DLGAP2: variants seen among roughly 807,000 people sequenced by gnomAD.
DLGAP2 encodes disks large-associated protein 2.
DLGAP2 carries 26 observed loss-of-function variants against 100.3 expected under a neutral mutation model. That is an observed-to-expected ratio of 0.26 (90% CI 0.19 to 0.36). The LOEUF is 0.36. Among genes scored for constraint, DLGAP2 ranks in the 10% least tolerant of loss-of-function variants. The pLI, the probability that DLGAP2 is intolerant of heterozygous loss-of-function variation, is 1.00. For synonymous variants in DLGAP2, 886 were observed against 630.1 expected, an observed-to-expected ratio of 1.41 and a Z score of -6.08; for missense variants, 1,858 against 1,453.2, an observed-to-expected ratio of 1.28 and a Z score of -4.53.
At chr8:1,372,173 G>A (rs563211973) in intron 3 of DLGAP2, among the ~76,000 whole-genome samples, 18 of 152,224 alleles carry the variant, frequency 1.2e-4, no homozygotes, top group East Asian at 5.8e-4. Context: ...GCAGGTCACC[G>A]TGGCGCCAAC....
At chr8:1,607,811 C>T (rs9801896) in intron 6 of DLGAP2, among the ~76,000 whole-genome samples, 2 of 151,758 alleles carry the variant, frequency 1.3e-5, no homozygotes, top group East Asian at 1.9e-4. Context: ...CACTCCCACC[C>T]GAATATTGCG....
intron 2 of DLGAP2, among the ~76,000 whole-genome samples, chr8:1,201,860 A>G (rs1225862959): frequency 6.6e-6 from 1 of 151,778 alleles, no homozygotes; most frequent in African/African-American, 2.4e-5. Flanking sequence ...TGTGTACGGT[A>G]TCTATCTGTG....
intron 2 of DLGAP2, among the ~76,000 whole-genome samples, chr8:1,146,598 C>T (rs540573458): frequency 1.9e-4 from 29 of 151,998 alleles, no homozygotes; most frequent in African/African-American, 2.9e-4. Context: ...TGTGCACCTG[C>T]GCATGTGTGT....
At chr8:1,293,748 C>T (rs1351101262) in intron 3 of DLGAP2, among the ~76,000 whole-genome samples, 2 of 152,170 alleles carry the variant, frequency 1.3e-5, no homozygotes, top group South Asian at 2.1e-4. Context: ...ATTAACATTT[C>T]GGAGCTGGGG....
chr8:773,870 G>A (rs1304423309), intron 1 of DLGAP2, among the ~76,000 whole-genome samples: 1 of 152,018 alleles, frequency 6.6e-6, no homozygotes, highest in Non-Finnish European at 1.5e-5. Flanking sequence ...CCCAGTAATG[G>A]GATGGCTGGG....
intron 2 of DLGAP2, among the ~76,000 whole-genome samples, chr8:1,145,725 T>C (rs529277568): frequency 3.5e-4 from 52 of 150,018 alleles, no homozygotes; most frequent in Middle Eastern, 6.9e-3. Context: ...AACTCGTCAT[T>C]TAGCATTAGG....
intron 3 of DLGAP2, among the ~76,000 whole-genome samples, chr8:1,469,556 C>T (rs910606486): frequency 6.6e-6 from 1 of 152,194 alleles, no homozygotes; most frequent in Admixed American, 6.5e-5. Context: ...CCTTCGCTGC[C>T]TTACTGAGCT....
At chr8:1,000,526 A>T (rs1350404588) in intron 2 of DLGAP2, among the ~76,000 whole-genome samples, 1 of 151,654 alleles carries the variant, frequency 6.6e-6, no homozygotes, top group East Asian at 1.9e-4. Flanking sequence ...GATTTTCTAT[A>T]GAGCGGACAG....
At chr8:1,683,852 A>ATG (rs1372728560) in intron 12 of DLGAP2, among the ~76,000 whole-genome samples, 3 of 72,600 alleles carry the variant, frequency 4.1e-5, no homozygotes, top group African/African-American at 1.8e-4. Context: ...ATATATATAT[A>ATG]TATATGTGTG....
intron 3 of DLGAP2, among the ~76,000 whole-genome samples, chr8:1,492,956 C>T (rs1356282052): frequency 6.6e-6 from 1 of 152,188 alleles, no homozygotes; most frequent in African/African-American, 2.4e-5. Flanking sequence ...ATCCCACCTA[C>T]GCATAGGGAA....
At chr8:1,505,401 C>T (rs1799871543) in intron 4 of DLGAP2, among the ~76,000 whole-genome samples, 1 of 152,060 alleles carries the variant, frequency 6.6e-6, no homozygotes, top group African/African-American at 2.4e-5. Context: ...TTTCCAACTC[C>T]CCTCAGTCTT....
At position 1,315,934 on chromosome 8, in the gene DLGAP2, C is replaced by G. The variant is rs75712360; in HGVS notation, c.106+57051C>G. 7.1e-3 allele frequency among the ~76,000 whole-genome samples: 703 copies of G among 98,806 alleles called. 27 individuals carry two copies. Among genetic ancestry groups the G allele is most frequent in the Middle Eastern group, 0.033 (3 of 90 alleles). 64.8% of individuals were successfully genotyped at this position (98,806 alleles called of 152,430 possible). On this transcript the variant is annotated intron_variant, in intron 3 of 14. Transcript: ENST00000637795. ...AAAATAGAGCGTGTGCGAGTGCAGC[C>G]TCTCTCCAACAGTGGTCTACACTCG...
chr8:1,222,792 G>T (rs1372523195), intron 2 of DLGAP2, among the ~76,000 whole-genome samples: 2 of 152,142 alleles, frequency 1.3e-5, no homozygotes, highest in African/African-American at 4.8e-5. Context: ...AGCCTTGGCA[G>T]CTGTTGCTGT....
chr8:931,365 C>G (rs143862512), intron 2 of DLGAP2, among the ~76,000 whole-genome samples: 2 of 152,374 alleles, frequency 1.3e-5, no homozygotes, highest in East Asian at 3.9e-4. Flanking sequence ...AGGGTGAGAA[C>G]AAGAGCGCTC....
intron 2 of DLGAP2, among the ~76,000 whole-genome samples, chr8:1,255,308 A>C (rs1412742571): frequency 6.7e-4 from 26 of 38,696 alleles, no homozygotes; most frequent in Admixed American, 1.2e-3. Context: ...GTGCCCTCTC[A>C]TCCTGCCCGG....
chr8:959,081 G>C (rs1044600711), intron 2 of DLGAP2, among the ~76,000 whole-genome samples: 7 of 152,314 alleles, frequency 4.6e-5, no homozygotes, highest in African/African-American at 1.4e-4. Context: ...GCTATGTAGA[G>C]GGTGCTTGCA....
chr8:770,701 G>T (rs530162195), intron 1 of DLGAP2, among the ~76,000 whole-genome samples: 1 of 152,124 alleles, frequency 6.6e-6, no homozygotes, highest in South Asian at 2.1e-4. Context: ...GTGATTGCTG[G>T]GCCGGCTGTG....
rs73670718 is a variant in DLGAP2 at position 1,302,253 on chromosome 8, T to G, written c.106+43370T>G. 5.4e-4 allele frequency: 70 copies of G among 130,378 alleles called. 1 individual carries two copies. The highest frequency in any genetic ancestry group is 2.2e-3 in the African/African-American group (66 of 30,224). 8.1% of individuals were successfully genotyped at this position (130,378 alleles called of 1,614,324 possible). ...TCCATACCTGGGACCGGACTCAGCA[T>G]TTTCTGTGAGTTCCCGAGCTCTGCT... On this transcript the variant is annotated intron_variant, in intron 3 of 14. Transcript: ENST00000637795.
chr8:1,122,846 C>A (rs549170111), intron 2 of DLGAP2, among the ~76,000 whole-genome samples: 1 of 151,986 alleles, frequency 6.6e-6, no homozygotes, highest in Admixed American at 6.6e-5. Context: ...TGACCAGTAG[C>A]TCCCCTCGTA....
Sources: gnomAD v4.1 joint callset for allele counts (sites outside exome capture counted in the v4.1 genomes callset) on GRCh38, gnomAD v4.1.1 for gene constraint, MANE v1.5 for transcripts, NCBI Gene and HGNC (gene_info 2026-07-23, HGNC 2026-07-21) for gene names.